Variants in PASD1 observed in about 807,000 individuals in gnomAD.
PASD1 encodes the protein PAS domain containing repressor 1.
Under a neutral mutation model 58.8 loss-of-function variants are expected in PASD1, and 13 were observed. That is an observed-to-expected ratio of 0.22 (90% CI 0.14 to 0.35). The LOEUF is 0.35. Among genes scored for constraint, PASD1 ranks in the 10% least tolerant of loss-of-function variants. The pLI is 1.00. For missense variants in PASD1, 734 were observed against 568.3 expected, an observed-to-expected ratio of 1.29 and a Z score of -2.96; for synonymous variants, 236 against 216.7, an observed-to-expected ratio of 1.09 and a Z score of -0.78.
intron 1 of PASD1, among the ~76,000 whole-genome samples, chrX:151,591,398 T>C (rs1157067993): frequency 9.0e-6 from 1 of 111,518 alleles, no homozygotes; most frequent in Non-Finnish European, 1.9e-5. Flanking sequence ...CCACAAAACC[T>C]CTTAGAAGAA....
intron 9 of PASD1, among the ~76,000 whole-genome samples, chrX:151,653,197 T>TATA (rs201762661): frequency 1.4e-5 from 1 of 70,296 alleles, no homozygotes; most frequent in African/African-American, 4.7e-5. Context: ...TATATATATA[T>TATA]TTTTTTTTTT....
intron 1 of PASD1, among the ~76,000 whole-genome samples, chrX:151,576,349 T>TACAATGCTCAGTCAGGCTTAAAGC (rs1373540834): frequency 1.8e-5 from 2 of 112,019 alleles, no homozygotes; most frequent in Non-Finnish European, 3.8e-5. Flanking sequence ...TAGTAATTCA[T>TACAATGCTCAGTCAGGCTTAAAGC]ACAATGCTCA....
At position 151,673,816 on chromosome X, in the gene PASD1, G is replaced by A. The variant is rs148467778; in HGVS notation, c.1917-112G>A. The stretch of plus-strand genomic sequence containing the variant: ...AGAATACAAACAAGTGAATCCTGTG[G>A]TGTAGCCACCAAAACCAAATGTGCC... On this transcript the variant is annotated intron_variant, in intron 14 of 15. Coordinates refer to ENST00000370357, the MANE Select transcript of PASD1 (RefSeq NM_173493.3). The A allele has an allele frequency of 2.0e-3, 1,832 of 917,811 alleles. 31 individuals are homozygous for A. In the Admixed American group the frequency reaches 0.034, roughly 17 times the overall value. 75.6% of individuals were successfully genotyped at this position (917,811 alleles called of 1,213,427 possible).
intron 14 of PASD1, chrX:151,672,911 C>A: frequency 5.0e-6 from 2 of 400,407 alleles, no homozygotes; most frequent in East Asian, 4.7e-5. Context: ...GATAAGGAAG[C>A]CTCAATGCTA....
rs12862316 is a variant in PASD1, at chrX:151,583,268, G to A, written c.-27-18259G>A. Among the ~76,000 whole-genome samples the A allele has an allele frequency of 7.5e-3, 844 of 112,370 alleles. 4 individuals carry two copies. Among genetic ancestry groups the A allele is most frequent in the Non-Finnish European group, 0.011 (599 of 53,240 alleles). On this transcript the variant is annotated intron_variant, in intron 1 of 15. Coordinates refer to ENST00000370357, the MANE Select transcript of PASD1 (RefSeq NM_173493.3). ...TCATGTGTAAAATGGGGAACATAAT[G>A]CCTGGGATGTGTAGTAAGTGTTTAA...
intron 1 of PASD1, among the ~76,000 whole-genome samples, chrX:151,572,565 TC>T (rs1472878839): frequency 1.8e-5 from 2 of 111,897 alleles, no homozygotes; most frequent in African/African-American, 6.5e-5. Context: ...TTTAAATTTT[TC>T]TGTTCATTTA....
intron 3 of PASD1, among the ~76,000 whole-genome samples, chrX:151,607,480 A>T (rs1215039916): frequency 9.0e-6 from 1 of 111,363 alleles, no homozygotes; most frequent in Admixed American, 9.6e-5. Context: ...AGCGAGGGTG[A>T]GGGGGAAAGT....
chrX:151,627,780 AC>A (rs775865165), intron 8 of PASD1, among the ~76,000 whole-genome samples: 9 of 111,913 alleles, frequency 8.0e-5, no homozygotes, highest in Non-Finnish European at 1.7e-4. Context: ...GAATTGCCAC[AC>A]TGTCTTCCAC....
intron 1 of PASD1, among the ~76,000 whole-genome samples, chrX:151,599,740 AT>A (rs1478673764): frequency 1.3e-4 from 14 of 105,756 alleles, no homozygotes; most frequent in Non-Finnish European, 2.5e-4. Context: ...CACCTCCTAG[AT>A]GGGATGACGG....
At chrX:151,644,308 C>G (rs760652022) in intron 8 of PASD1, among the ~76,000 whole-genome samples, 1 of 111,842 alleles carries the variant, frequency 8.9e-6, no homozygotes, top group South Asian at 3.8e-4. Context: ...GTATGCAGAG[C>G]CCTGTAGCCA....
chrX:151,589,614 T>C (rs1450021296), intron 1 of PASD1, among the ~76,000 whole-genome samples: 2 of 111,629 alleles, frequency 1.8e-5, no homozygotes, highest in East Asian at 5.6e-4. Context: ...GTTGAGATAA[T>C]TGAGACTCAT....
At chrX:151,629,945 G>A (rs1433311709) in intron 8 of PASD1, among the ~76,000 whole-genome samples, 1 of 111,650 alleles carries the variant, frequency 9.0e-6, no homozygotes, top group Non-Finnish European at 1.9e-5. Flanking sequence ...GCAGCAAGGA[G>A]CCAGCTACCA....
chrX:151,602,239 T>C (rs2013426627), intron 2 of PASD1, among the ~76,000 whole-genome samples: 1 of 111,956 alleles, frequency 8.9e-6, no homozygotes, highest in African/African-American at 3.2e-5. Flanking sequence ...CTAACTGAAA[T>C]CTTATATCCT....
chrX:151,646,683 A>G (rs1291272585), intron 8 of PASD1, among the ~76,000 whole-genome samples: 1 of 112,610 alleles, frequency 8.9e-6, no homozygotes, highest in Non-Finnish European at 1.9e-5. Flanking sequence ...TTAAGCAACA[A>G]ATAGAAGCTC....
intron 7 of PASD1, among the ~76,000 whole-genome samples, 180 bp from the exon 8 acceptor site, chrX:151,625,268 C>T (rs1435044792): frequency 8.9e-6 from 1 of 111,985 alleles, no homozygotes; most frequent in Non-Finnish European, 1.9e-5. Context: ...TTTCTTGGGT[C>T]AAATCATTAT....
At chrX:151,622,602 C>CACACACAG (rs1359366041) in intron 6 of PASD1, among the ~76,000 whole-genome samples, 8 of 109,605 alleles carry the variant, frequency 7.3e-5, no homozygotes, top group African/African-American at 9.9e-5. Context: ...CACACACACA[C>CACACACAG]ACACACACAC....
chrX:151,599,865 C>T (rs940526138), intron 1 of PASD1, among the ~76,000 whole-genome samples: 6 of 111,632 alleles, frequency 5.4e-5, no homozygotes, highest in Non-Finnish European at 1.1e-4. Flanking sequence ...GACGGGGTGG[C>T]GGCCGGGCAG....
At chrX:151,584,375 G>A (rs2013138344) in intron 1 of PASD1, among the ~76,000 whole-genome samples, 1 of 112,061 alleles carries the variant, frequency 8.9e-6, no homozygotes, top group African/African-American at 3.2e-5. Flanking sequence ...TACAATTCGT[G>A]TTTGTCACCT....
chrX:151,659,748 A>G lies in PASD1; in HGVS notation c.753A>G (p.Gly251=). ...QIDIAEVEQY[G]PQENVHMFVD... is the part of the protein sequence containing the mutation. ...ATATTGCAGAGGTTGAGCAGTATGGACCACAAGAAAACGTTCACATGTTTG... is the reference window on the plus strand; with the variant it reads ...ATATTGCAGAGGTTGAGCAGTATGGGCCACAAGAAAACGTTCACATGTTTG... The change falls in exon 10 of 16, where the codon GGA becomes GGG. Residue 251 remains glycine, a synonymous_variant. Transcript: ENST00000370357. The G allele has an allele frequency of 1.7e-6, 2 of 1,202,602 alleles. No homozygotes were observed. Among genetic ancestry groups the G allele is most frequent in the South Asian group, 3.5e-5 (2 of 56,722 alleles).
Sources: allele counts gnomAD v4.1 joint callset (sites outside exome capture counted in the v4.1 genomes callset), GRCh38; gene constraint gnomAD v4.1.1; transcripts MANE v1.5; gene names NCBI Gene and HGNC (gene_info 2026-07-23, HGNC 2026-07-21).